Variants in NKAIN2 observed in about 807,000 individuals in gnomAD.
NKAIN2 encodes sodium/potassium transporting ATPase interacting 2, also known as sodium/potassium-transporting ATPase subunit beta-1-interacting protein 2.
Under a neutral mutation model 32.6 loss-of-function variants are expected in NKAIN2, and 14 were observed. The ratio of observed to expected loss-of-function variants is 0.43; its 90% CI spans 0.28 to 0.67. The LOEUF (loss-of-function observed/expected upper bound fraction) is 0.67. Among genes scored for constraint, NKAIN2 ranks in the 30% least tolerant of loss-of-function variants. NKAIN2 has a pLI of 0.17. For synonymous variants in NKAIN2, 80 were observed against 87.2 expected (o/e 0.92, Z 0.46); for missense variants, 198 against 258.3 (o/e 0.77, Z 1.60).
intron 2 of NKAIN2, among the ~76,000 whole-genome samples, chr6:124,318,274 A>G (rs1797042688): frequency 1.3e-5 from 2 of 152,110 alleles, no homozygotes; most frequent in South Asian, 2.1e-4. Flanking sequence ...TAGGTCTTCT[A>G]ATTTTGAAAT....
At chr6:124,550,443 C>T (rs1159196279) in intron 3 of NKAIN2, among the ~76,000 whole-genome samples, 2 of 152,008 alleles carry the variant, frequency 1.3e-5, no homozygotes. Flanking sequence ...ACCACAGATG[C>T]TCATCTTCTA....
Position 124,416,826 on chromosome 6 carries a change from G to A in NKAIN2, c.273+61479G>A, listed in dbSNP as rs528375533. Among the ~76,000 whole-genome samples, 4 of 152,056 alleles carry A rather than the reference G, an allele frequency of 2.6e-5. No homozygotes were observed. In the East Asian group the frequency reaches 7.8e-4, roughly 30 times the overall value. The stretch of plus-strand genomic sequence containing the variant: ...AAGGTGGTATCAGTAGAGATCTAGT[G>A]GGGAGCCTGAACTCCACCCTCATCC... On this transcript the variant is annotated intron_variant, in intron 3 of 6. Transcript: ENST00000368417.
At chr6:124,418,939 T>C (rs1208937499) in intron 3 of NKAIN2, among the ~76,000 whole-genome samples, 1 of 152,140 alleles carries the variant, frequency 6.6e-6, no homozygotes, top group African/African-American at 2.4e-5. Flanking sequence ...ACATCTTTCT[T>C]ACATGCTTTG....
At chr6:124,046,197 C>A (rs1053222998) in intron 1 of NKAIN2, among the ~76,000 whole-genome samples, 1 of 151,978 alleles carries the variant, frequency 6.6e-6, no homozygotes, top group East Asian at 1.9e-4. Flanking sequence ...AGTCTTTTTA[C>A]ATATATATGC....
At chr6:124,723,620 C>G (rs1391899526) in intron 4 of NKAIN2, among the ~76,000 whole-genome samples, 1 of 152,010 alleles carries the variant, frequency 6.6e-6, no homozygotes, top group Non-Finnish European at 1.5e-5. Context: ...ACCTTAGGGA[C>G]CAAAATGAAA....
intron 1 of NKAIN2, among the ~76,000 whole-genome samples, chr6:124,220,023 C>G (rs542055179): frequency 2.6e-5 from 4 of 152,070 alleles, no homozygotes; most frequent in Non-Finnish European, 5.9e-5. Flanking sequence ...TAATGGCTTT[C>G]TACTTGATAT....
At chr6:124,565,804 A>G (rs757273815) in intron 3 of NKAIN2, among the ~76,000 whole-genome samples, 3 of 152,214 alleles carry the variant, frequency 2.0e-5, no homozygotes, top group Non-Finnish European at 4.4e-5. Context: ...GCTTCGATCC[A>G]AGGGATAAGT....
At chr6:124,780,183 G>T (rs897535628) in intron 4 of NKAIN2, among the ~76,000 whole-genome samples, 1 of 152,178 alleles carries the variant, frequency 6.6e-6, no homozygotes. Context: ...GGTGGTGTAA[G>T]GGTTGGGAGA....
chr6:124,022,421 T>G lies in NKAIN2; in HGVS notation c.54+218167T>G, dbSNP rs1035879647. On this transcript the variant is annotated intron_variant, in intron 1 of 6. Coordinates refer to ENST00000368417, the MANE Select transcript of NKAIN2 (RefSeq NM_001040214.3). ...TTGGGTATATACCCAGTAATGGGAT[T>G]GCTGGGTCAAATGGTATTTCTAGTT... 2.0e-5 allele frequency among the ~76,000 whole-genome samples: 3 copies of G among 152,252 alleles called. No individual in the cohort carries two copies. In the East Asian group the frequency reaches 5.8e-4, roughly 29 times the overall value.
rs1781471406 is a variant in NKAIN2 at position 124,823,397 on chromosome 6, C to T, written c.*168C>T. ...CAACACTGACACACACACACACACA[C>T]ACGTGAGCACGCACACACCAATTCC... On this transcript the variant is annotated 3_prime_UTR_variant, in exon 7 of 7. Coordinates refer to ENST00000368417, the MANE Select transcript of NKAIN2 (RefSeq NM_001040214.3). 1.6e-6 allele frequency: 1 copy of T among 640,468 alleles called. No homozygotes were observed. Among genetic ancestry groups the T allele is most frequent in the Non-Finnish European group, 2.8e-6 (1 of 354,696 alleles). 39.7% of individuals were successfully genotyped at this position (640,468 alleles called of 1,614,324 possible). A position where few individuals can be genotyped will look rare whatever the true frequency, so the allele number is the denominator to read the frequency against.
rs568297904 is a variant in NKAIN2 at position 124,408,253 on chromosome 6, A to G, written c.273+52906A>G. On this transcript the variant is annotated intron_variant, in intron 3 of 6. Transcript: ENST00000368417. ...TTGTTGCCATTGCTTTTGGTGTTTT[A>G]GACATGAAGTCCTTGCCCATGCCTA... 9.0e-3 allele frequency among the ~76,000 whole-genome samples: 1,363 copies of G among 152,222 alleles called. 21 individuals carry two copies. The highest frequency in any genetic ancestry group is 0.031 in the African/African-American group (1,284 of 41,508).
intron 3 of NKAIN2, among the ~76,000 whole-genome samples, chr6:124,375,856 A>G (rs1429348918): frequency 3.9e-5 from 6 of 152,110 alleles, no homozygotes; most frequent in Non-Finnish European, 8.8e-5. Flanking sequence ...CAAGAACCTA[A>G]TGGCTCAAAA....
intron 3 of NKAIN2, among the ~76,000 whole-genome samples, chr6:124,465,482 G>T (rs547606): frequency 0.72 from 109,030 of 151,716 alleles, 39,257 homozygotes; most frequent in East Asian, 0.78. Context: ...GGCCTGTCAG[G>T]GGGTGGGGGC....
chr6:123,965,464 G>T (rs1390327802), intron 1 of NKAIN2, among the ~76,000 whole-genome samples: 1 of 152,090 alleles, frequency 6.6e-6, no homozygotes, highest in African/African-American at 2.4e-5. Flanking sequence ...GTCAAAAACT[G>T]CTGTTGCCTC....
chr6:124,650,218 A>G (rs1784319898), intron 3 of NKAIN2, among the ~76,000 whole-genome samples: 1 of 152,202 alleles, frequency 6.6e-6, no homozygotes, highest in Admixed American at 6.5e-5. Context: ...TTGCTCACAG[A>G]TAAAATGATT....
At position 124,447,753 on chromosome 6, in the gene NKAIN2, G is replaced by A. The variant is rs117164293; in HGVS notation, c.273+92406G>A. 2.4e-3 allele frequency among the ~76,000 whole-genome samples: 360 copies of A among 152,190 alleles called. 5 individuals are homozygous for A. In the East Asian group the frequency reaches 0.047, roughly 20 times the overall value. ...CCCATCTCTGCAGGGCATAGTAACC[G>A]TGGAAGCTTCTCCAGGACTGAAAGT... is the stretch of plus-strand genomic sequence containing the variant. On this transcript the variant is annotated intron_variant, in intron 3 of 6. Transcript: ENST00000368417.
chr6:124,727,913 C>T (rs1271506826), intron 4 of NKAIN2, among the ~76,000 whole-genome samples: 13 of 146,986 alleles, frequency 8.8e-5, no homozygotes, highest in Admixed American at 2.7e-4. Context: ...CAATCCTAGT[C>T]TCTGATAAAA....
intron 3 of NKAIN2, among the ~76,000 whole-genome samples, chr6:124,651,944 C>T (rs1248191090): frequency 1.3e-5 from 2 of 152,128 alleles, no homozygotes. Context: ...TTATTCTGTA[C>T]CATATGGTCA....
intron 3 of NKAIN2, among the ~76,000 whole-genome samples, chr6:124,566,235 T>A (rs1365553895): frequency 2.0e-5 from 3 of 152,236 alleles, no homozygotes; most frequent in Non-Finnish European, 4.4e-5. Context: ...TTCTTTTAGC[T>A]CCACCATACC....
Sources: allele counts gnomAD v4.1 joint callset (sites outside exome capture counted in the v4.1 genomes callset), GRCh38; gene constraint gnomAD v4.1.1; transcripts MANE v1.5; gene names NCBI Gene and HGNC (gene_info 2026-07-23, HGNC 2026-07-21).